Variants in EMCN observed in about 807,000 individuals in gnomAD.
The protein encoded by EMCN is endomucin.
A neutral mutation model predicts 38.4 loss-of-function variants in EMCN; 37 were observed. The observed-to-expected ratio is 0.96, with a 90% confidence interval of 0.74 to 1.27. The LOEUF (loss-of-function observed/expected upper bound fraction) is 1.27, where lower values mean the gene tolerates loss of function less well. Ranked by LOEUF, EMCN falls within the 50% of genes most tolerant of loss-of-function variation. The pLI is 0.00. For synonymous variants in EMCN, 95 were observed against 100.8 expected (o/e 0.94, Z 0.35); for missense variants, 318 against 302.8 (o/e 1.05, Z -0.37).
At chr4:100,429,959 AT>A (rs1727152472) in intron 5 of EMCN, among the ~76,000 whole-genome samples, 1 of 152,184 alleles carries the variant, frequency 6.6e-6, no homozygotes, top group African/African-American at 2.4e-5. Flanking sequence ...CATGTAATCA[AT>A]AGATTTTAAA....
chr4:100,458,886 C>G (rs1045537529), intron 4 of EMCN, among the ~76,000 whole-genome samples: 1 of 152,108 alleles, frequency 6.6e-6, no homozygotes, highest in Non-Finnish European at 1.5e-5. Flanking sequence ...TTATCATGTT[C>G]TGTCTTGATG....
At chr4:100,414,225 T>C (rs1726647321) in intron 10 of EMCN, among the ~76,000 whole-genome samples, 2 of 152,252 alleles carry the variant, frequency 1.3e-5, no homozygotes, top group African/African-American at 4.8e-5. Flanking sequence ...GTTTGGAGTA[T>C]GTGTGATGCC....
intron 1 of EMCN, among the ~76,000 whole-genome samples, chr4:100,506,108 T>C (rs1350440683): frequency 6.6e-6 from 1 of 152,216 alleles, no homozygotes; most frequent in Non-Finnish European, 1.5e-5. Flanking sequence ...AATCATTTTC[T>C]AAGTTTTATG....
At chr4:100,441,384 G>T (rs1486400021) in intron 5 of EMCN, among the ~76,000 whole-genome samples, 1 of 152,016 alleles carries the variant, frequency 6.6e-6, no homozygotes, top group Non-Finnish European at 1.5e-5. Flanking sequence ...TTTACTTTCA[G>T]CCTATGTGTC....
intron 5 of EMCN, among the ~76,000 whole-genome samples, chr4:100,442,556 C>T (rs1727553394): frequency 8.1e-6 from 1 of 123,360 alleles, no homozygotes; most frequent in Non-Finnish European, 1.7e-5. Flanking sequence ...TGTAGGCTGT[C>T]TTCACTATTT....
chr4:100,475,839 G>A (rs529015478), intron 2 of EMCN, among the ~76,000 whole-genome samples: 3 of 151,656 alleles, frequency 2.0e-5, no homozygotes, highest in Admixed American at 6.6e-5. Context: ...CACCACGCCC[G>A]GCTAATTTTT....
intron 9 of EMCN, 142 bp downstream of exon 9, chr4:100,416,975 A>G: frequency 1.3e-6 from 1 of 749,164 alleles, no homozygotes; most frequent in Non-Finnish European, 2.3e-6. Context: ...TGTTAAATGG[A>G]GAGAGCTCTG....
intron 5 of EMCN, among the ~76,000 whole-genome samples, chr4:100,427,354 C>T (rs1727077667): frequency 6.6e-6 from 1 of 152,050 alleles, no homozygotes; most frequent in Admixed American, 6.6e-5. Context: ...TCCCTGCAGC[C>T]TTCATTTACT....
intron 11 of EMCN, among the ~76,000 whole-genome samples, chr4:100,405,231 C>T (rs537009832): frequency 6.6e-6 from 1 of 152,070 alleles, no homozygotes. Flanking sequence ...ACTGCTCTGG[C>T]TATGACTCCC....
intron 5 of EMCN, among the ~76,000 whole-genome samples, chr4:100,429,722 A>ACAG (rs1553927575): frequency 1.9e-3 from 291 of 152,230 alleles, no homozygotes; most frequent in African/African-American, 6.6e-3. Context: ...TTTGATTAAA[A>ACAG]TAGTTTTTAC....
At chr4:100,414,293 C>T (rs1726649471) in intron 10 of EMCN, among the ~76,000 whole-genome samples, 3 of 143,452 alleles carry the variant, frequency 2.1e-5, no homozygotes, top group East Asian at 2.0e-4. Context: ...TGTAGTCACA[C>T]TTAGGATCTC....
chr4:100,440,952 G>T (rs914778348), intron 5 of EMCN, among the ~76,000 whole-genome samples: 1 of 152,058 alleles, frequency 6.6e-6, no homozygotes, highest in Non-Finnish European at 1.5e-5. Context: ...GCTGAGCATG[G>T]TGGCAGGCAC....
At chr4:100,426,673 T>A (rs1727053780) in intron 5 of EMCN, among the ~76,000 whole-genome samples, 1 of 152,172 alleles carries the variant, frequency 6.6e-6, no homozygotes, top group South Asian at 2.1e-4. Context: ...GCCTCAGGAA[T>A]TTTAAACTGG....
At chr4:100,473,794 G>T in intron 3 of EMCN, 1 of 152,732 alleles carries the variant, frequency 6.5e-6, no homozygotes, top group South Asian at 1.9e-4. Context: ...TCGCTAAGTG[G>T]GTGCCTCATG....
chr4:100,465,553 G>A lies in EMCN; in HGVS notation c.260-14C>T, dbSNP rs755804011. On this transcript the variant is annotated splice_polypyrimidine_tract_variant and intron_variant, in intron 3 of 11. Transcript: ENST00000296420. ...TGGCTTTCAATCCTATAAAAAGAAT[G>A]AACAGTCATCAGGAGTATAACAAAT... 6.8e-7 allele frequency: 1 copy of A among 1,471,468 alleles called. No individual in the cohort carries two copies. Among genetic ancestry groups the A allele is most frequent in the Non-Finnish European group, 9.4e-7 (1 of 1,059,984 alleles). The allele number at this position is 1,471,468 out of a possible 1,614,324, so 91.2% of individuals were successfully genotyped here.
chr4:100,471,071 G>A (rs1431393696), intron 3 of EMCN, among the ~76,000 whole-genome samples: 1 of 151,702 alleles, frequency 6.6e-6, no homozygotes, highest in Non-Finnish European at 1.5e-5. Flanking sequence ...AAACCCATAC[G>A]AAGCCGTGGG....
chr4:100,459,632 G>A lies in EMCN; in HGVS notation c.376+5791C>T, dbSNP rs80144735. ...CTACCATTCTACTCTCTATCTCTAT[G>A]AGTTCAACATGTTTAGATTCCACAT... On this transcript the variant is annotated intron_variant, in intron 4 of 11. Transcript: ENST00000296420. 3.4e-3 allele frequency among the ~76,000 whole-genome samples: 517 copies of A among 152,132 alleles called. 2 individuals are homozygous for A. Among genetic ancestry groups the A allele is most frequent in the African/African-American group, 0.011 (474 of 41,486 alleles).
At chr4:100,426,437 C>T (rs1727048011) in intron 5 of EMCN, among the ~76,000 whole-genome samples, 1 of 152,102 alleles carries the variant, frequency 6.6e-6, no homozygotes, top group Admixed American at 6.6e-5. Context: ...CTCAGCATCC[C>T]CGTTCTCTCT....
At chr4:100,435,303 G>GA (rs1167173274) in intron 5 of EMCN, among the ~76,000 whole-genome samples, 1 of 152,040 alleles carries the variant, frequency 6.6e-6, no homozygotes, top group Non-Finnish European at 1.5e-5. Flanking sequence ...AAATACCTAG[G>GA]AATAAAACTA....
Sources: gnomAD v4.1 joint callset for allele counts (sites outside exome capture counted in the v4.1 genomes callset) on GRCh38, gnomAD v4.1.1 for gene constraint, MANE v1.5 for transcripts, NCBI Gene and HGNC (gene_info 2026-07-23, HGNC 2026-07-21) for gene names.